Variants in SUGCT observed in about 807,000 individuals in gnomAD.
SUGCT encodes succinyl-CoA:glutarate-CoA transferase, also known as succinyl-CoA:glutarate CoA-transferase.
In SUGCT, 41 loss-of-function variants were observed where a neutral mutation model predicts 55.0. That is an observed-to-expected ratio of 0.74 (90% CI 0.58 to 0.97). The LOEUF (loss-of-function observed/expected upper bound fraction) is 0.97, where lower values mean the gene tolerates loss of function less well. Among genes scored for constraint, SUGCT ranks in the 50% least tolerant of loss-of-function variants. The pLI, the probability that SUGCT is intolerant of heterozygous loss-of-function variation, is 0.00. For synonymous variants in SUGCT, 187 were observed against 200.4 expected, an observed-to-expected ratio of 0.93 and a Z score of 0.56; for missense variants, 568 against 547.8, an observed-to-expected ratio of 1.04 and a Z score of -0.37.
intron 12 of SUGCT, among the ~76,000 whole-genome samples, chr7:40,618,397 C>T (rs901791345): frequency 6.6e-6 from 1 of 152,174 alleles, no homozygotes; most frequent in African/African-American, 2.4e-5. Context: ...TAAGTCAGAA[C>T]CTAACCAGAC....
At chr7:40,609,789 ATC>A (rs1425408454) in intron 12 of SUGCT, among the ~76,000 whole-genome samples, 1 of 152,196 alleles carries the variant, frequency 6.6e-6, no homozygotes, top group Non-Finnish European at 1.5e-5. Context: ...GTAACAAATG[ATC>A]TCTTTCTGAG....
chr7:40,315,069 G>C (rs1396618853), intron 8 of SUGCT, among the ~76,000 whole-genome samples: 1 of 151,898 alleles, frequency 6.6e-6, no homozygotes, highest in East Asian at 1.9e-4. Context: ...TATATATTAG[G>C]GTTTCATGTA....
chr7:40,640,971 G>C (rs1047770454), intron 12 of SUGCT, among the ~76,000 whole-genome samples: 10 of 152,188 alleles, frequency 6.6e-5, no homozygotes, highest in African/African-American at 2.2e-4. Flanking sequence ...GGACATTTTG[G>C]TGTTTTACTA....
chr7:41,029,781 A>G, the SUGCT span, among the ~76,000 whole-genome samples: 1 of 152,178 alleles, frequency 6.6e-6, no homozygotes, highest in East Asian at 1.9e-4. Context: ...CATAGTTTAC[A>G]TTAAGGCTCA....
chr7:40,922,175 C>T, the SUGCT span, among the ~76,000 whole-genome samples: 1 of 152,160 alleles, frequency 6.6e-6, no homozygotes, highest in Non-Finnish European at 1.5e-5. Flanking sequence ...AATGATTAAG[C>T]TTAGCATTCT....
intron 12 of SUGCT, among the ~76,000 whole-genome samples, chr7:40,710,987 C>T (rs778721241): frequency 2.0e-5 from 3 of 152,128 alleles, no homozygotes; most frequent in Non-Finnish European, 4.4e-5. Context: ...AGTACAGTGT[C>T]GTTGCCTGAG....
At chr7:40,724,449 G>A (rs1786510353) in intron 12 of SUGCT, among the ~76,000 whole-genome samples, 1 of 152,026 alleles carries the variant, frequency 6.6e-6, no homozygotes, top group Non-Finnish European at 1.5e-5. Flanking sequence ...TGTAGTCCCA[G>A]CTGCTGGGGA....
At chr7:40,532,847 A>C (rs1003790327) in intron 12 of SUGCT, among the ~76,000 whole-genome samples, 1 of 152,182 alleles carries the variant, frequency 6.6e-6, no homozygotes, top group Admixed American at 6.5e-5. Context: ...GTGAATTATG[A>C]ATACAATATT....
At chr7:40,862,787 A>G (rs1794518400), downstream of SUGCT, among the ~76,000 whole-genome samples, 1 of 151,168 alleles carries the variant, frequency 6.6e-6, no homozygotes, top group Non-Finnish European at 1.5e-5. Context: ...CTGACTAATC[A>G]AGCATGATAT....
the SUGCT span, among the ~76,000 whole-genome samples, chr7:40,948,655 C>G: frequency 6.6e-6 from 1 of 151,806 alleles, no homozygotes; most frequent in Non-Finnish European, 1.5e-5. Context: ...CTGTCTTTGC[C>G]CATATGTTCT....
intron 11 of SUGCT, among the ~76,000 whole-genome samples, chr7:40,483,212 C>A (rs902558762): frequency 3.3e-5 from 5 of 151,952 alleles, no homozygotes; most frequent in Non-Finnish European, 7.4e-5. Context: ...TCTTACAGAG[C>A]CTTGTTGGTT....
At chr7:40,761,951 T>A (rs1441076738) in intron 13 of SUGCT, among the ~76,000 whole-genome samples, 1 of 152,134 alleles carries the variant, frequency 6.6e-6, no homozygotes, top group African/African-American at 2.4e-5. Flanking sequence ...GGAATACCCA[T>A]GAACACTGGG....
intron 8 of SUGCT, among the ~76,000 whole-genome samples, chr7:40,312,050 G>T (rs1379198349): frequency 6.9e-6 from 1 of 144,978 alleles, no homozygotes; most frequent in Non-Finnish European, 1.5e-5. Context: ...CCTCACATAA[G>T]TTTTTTTTTT....
At chr7:40,447,633 C>A (rs888156588) in intron 9 of SUGCT, among the ~76,000 whole-genome samples, 1 of 152,002 alleles carries the variant, frequency 6.6e-6, no homozygotes, top group Admixed American at 6.6e-5. Flanking sequence ...GATCAAAATT[C>A]TCTTCAGTTG....
chr7:40,898,837 T>G, the SUGCT span, among the ~76,000 whole-genome samples: 1 of 151,956 alleles, frequency 6.6e-6, no homozygotes. Flanking sequence ...TTGGGGGCCA[T>G]TAGGTGATTC....
At chr7:40,141,457 AC>A (rs1787976386) in intron 1 of SUGCT, among the ~76,000 whole-genome samples, 1 of 151,698 alleles carries the variant, frequency 6.6e-6, no homozygotes, top group Admixed American at 6.6e-5. Flanking sequence ...ACATAGTGAA[AC>A]CCCGTCTCTA....
At chr7:40,279,001 AT>A (rs111686538) in intron 8 of SUGCT, among the ~76,000 whole-genome samples, 402 of 122,844 alleles carry the variant, frequency 3.3e-3, no homozygotes, top group Admixed American at 3.3e-3. Flanking sequence ...TAATTTTTGT[AT>A]TTTTTTTTTT....
chr7:40,329,927 G>T (rs369972130), intron 9 of SUGCT, among the ~76,000 whole-genome samples: 4 of 152,206 alleles, frequency 2.6e-5, no homozygotes, highest in Admixed American at 6.6e-5. Flanking sequence ...CCTGGAGAGA[G>T]ATTCCTGGGA....
At chr7:40,914,368 G>A in the SUGCT span, among the ~76,000 whole-genome samples, 6 of 150,316 alleles carry the variant, frequency 4.0e-5, no homozygotes, top group East Asian at 3.9e-4. Flanking sequence ...ATGCTGGTGC[G>A]CTGCACCCAC....
Sources: allele counts gnomAD v4.1 joint callset (sites outside exome capture counted in the v4.1 genomes callset), GRCh38; gene constraint gnomAD v4.1.1; transcripts MANE v1.5; gene names NCBI Gene and HGNC (gene_info 2026-07-23, HGNC 2026-07-21).